Variants in GREB1 observed in about 807,000 individuals in gnomAD.
GREB1 encodes protein GREB1.
GREB1 carries 106 observed loss-of-function variants against 200.7 expected under a neutral mutation model. That is an observed-to-expected ratio of 0.53 (90% CI 0.45 to 0.62). The LOEUF is 0.62. GREB1 is among the 20% of genes least tolerant of loss of function. The pLI, the probability that GREB1 is intolerant of heterozygous loss-of-function variation, is 0.00. For synonymous variants in GREB1, 1,132 were observed against 1,092.4 expected, an observed-to-expected ratio of 1.04 and a Z score of -0.72; for missense variants, 2,243 against 2,556.8, an observed-to-expected ratio of 0.88 and a Z score of 2.65.
rs1427951535 is a variant in GREB1, at chr2:11,542,082, G to A, written c.-162+7828G>A. 3.9e-5 allele frequency among the ~76,000 whole-genome samples: 6 copies of A among 152,018 alleles called. 1 individual carries two copies. Among genetic ancestry groups the A allele is most frequent in the African/African-American group, 4.8e-5 (2 of 41,470 alleles). ...TGCTGACCTGCACTTCCTGTGTCTC[G>A]GTGAGGTTCTTCAGGGCAGGAACTG... On this transcript the variant is annotated intron_variant, in intron 1 of 32. Transcript: ENST00000381486.
At position 11,602,452 on chromosome 2, in the gene GREB1, A is replaced by G; in HGVS notation, c.2576A>G (p.Glu859Gly). ...AATAAGAAGTACTTCGGGCTGTCGGAGTTTATTGAATCCACCCTTTCAGGA... is the reference window on the plus strand; with the variant it reads ...AATAAGAAGTACTTCGGGCTGTCGGGGTTTATTGAATCCACCCTTTCAGGA... ...HENKKYFGLS[E>G]FIESTLSGHS... The change falls in exon 17 of 33, where the codon GAG becomes GGG. Residue 859 changes from glutamate to glycine, a missense_variant. Coordinates refer to ENST00000381486, the MANE Select transcript of GREB1 (RefSeq NM_014668.4). 1 of 1,612,910 alleles carries G rather than the reference A, an allele frequency of 6.2e-7. No individual in the cohort carries two copies.
intron 4 of GREB1, among the ~76,000 whole-genome samples, chr2:11,569,883 CG>C (rs1678084869): frequency 6.6e-6 from 1 of 151,924 alleles, no homozygotes; most frequent in South Asian, 2.1e-4. Context: ...GAGAGCGTGG[CG>C]GGGTGGGGTG....
chr2:11,565,138 T>C (rs550557724), intron 3 of GREB1, among the ~76,000 whole-genome samples: 1 of 152,302 alleles, frequency 6.6e-6, no homozygotes, highest in South Asian at 2.1e-4. Context: ...CAGCTTGGCC[T>C]CCCTTCCTGG....
In GREB1 at chr2:11,598,759, G is replaced by T. The variant is rs769981783; in HGVS notation, c.2232G>T (p.Thr744=). Residue 744 remains threonine (T), a synonymous_variant, in exon 15 of 33, where the codon ACG becomes ACT. Transcript: ENST00000381486. ...RVEQYVLKLD[T]EAQTKFKAFL... Reference sequence around the variant, plus strand: ...AACAGTATGTTCTGAAGCTAGACACGGAGGCACAGACAAAATTTAAGGCTT... The same window carrying T: ...AACAGTATGTTCTGAAGCTAGACACTGAGGCACAGACAAAATTTAAGGCTT... The T allele has an allele frequency of 6.2e-7, 1 of 1,614,102 alleles. No individual in the cohort carries two copies. The highest frequency in any genetic ancestry group is 1.7e-5 in the Admixed American group (1 of 60,026).
At chr2:11,581,226 G>T in intron 7 of GREB1, 1 of 560,216 alleles carries the variant, frequency 1.8e-6, no homozygotes, top group East Asian at 2.9e-5. Flanking sequence ...GTTAGTCAGG[G>T]GACCTTGGCC....
intron 2 of GREB1, among the ~76,000 whole-genome samples, chr2:11,557,549 G>A (rs946792773): frequency 2.0e-5 from 3 of 152,220 alleles, no homozygotes; most frequent in Non-Finnish European, 2.9e-5. Context: ...CTTGCTGTGC[G>A]TGAGTGTGTA....
intron 1 of GREB1, among the ~76,000 whole-genome samples, chr2:11,490,505 G>A (rs972557991): frequency 1.3e-5 from 2 of 152,140 alleles, no homozygotes; most frequent in African/African-American, 4.8e-5. Context: ...TATGAATGAT[G>A]CTTGTAGGAA....
chr2:11,618,200 G>GGGCC, intron 21 of GREB1, 88 bp from the exon 22 acceptor site: 1 of 876,686 alleles, frequency 1.1e-6, no homozygotes, highest in East Asian at 4.9e-5. Context: ...TGGGATGGGT[G>GGGCC]ACTCCTGGGA....
intron 1 of GREB1, among the ~76,000 whole-genome samples, chr2:11,544,940 G>A (rs1405745389): frequency 6.6e-6 from 1 of 151,876 alleles, no homozygotes; most frequent in Non-Finnish European, 1.5e-5. Context: ...TCAGCCTCCC[G>A]AGTAGTGAGG....
rs569308116 is a variant in GREB1, at chr2:11,633,162, G to A, written c.4991+99G>A. 1.2e-4 allele frequency: 140 copies of A among 1,196,032 alleles called. 1 individual carries two copies. In the South Asian group the frequency reaches 1.3e-3, roughly 11 times the overall value. The allele number at this position is 1,196,032 out of a possible 1,614,324, so 74.1% of individuals were successfully genotyped here. On this transcript the variant is annotated intron_variant, in intron 28 of 32. Transcript: ENST00000381486. This position sits in a 1 kb window ranked among gnomAD's most constrained non-coding sequence, Gnocchi z 4.1. ...GGAATGTGCCCACCCCTGGAAGACCGGAGGGCCTCTCATAGTAGAAGGGGT... is the reference window on the plus strand; with the variant it reads ...GGAATGTGCCCACCCCTGGAAGACCAGAGGGCCTCTCATAGTAGAAGGGGT...
intron 3 of GREB1, among the ~76,000 whole-genome samples, chr2:11,566,120 A>G (rs1313446828): frequency 6.6e-6 from 1 of 152,036 alleles, no homozygotes; most frequent in Non-Finnish European, 1.5e-5. Context: ...ACGGGTTCAA[A>G]TGATTCTCCT....
At chr2:11,524,365 CAGAG>C (rs1326702044) in intron 1 of GREB1, among the ~76,000 whole-genome samples, 2 of 152,086 alleles carry the variant, frequency 1.3e-5, no homozygotes, top group African/African-American at 4.8e-5. Flanking sequence ...GGTGACATGA[CAGAG>C]GGAGGTGACA....
chr2:11,600,400 T>C (rs1450320454), intron 15 of GREB1, among the ~76,000 whole-genome samples: 1 of 152,178 alleles, frequency 6.6e-6, no homozygotes, highest in Non-Finnish European at 1.5e-5. Flanking sequence ...AATTTACTCT[T>C]TTACATCTTT....
intron 5 of GREB1, 65 bp from the exon 6 acceptor site, chr2:11,578,232 G>T: frequency 3.2e-6 from 5 of 1,555,116 alleles, no homozygotes; most frequent in Non-Finnish European, 3.5e-6. Context: ...TCCACTCCAG[G>T]AACTCATTTC....
At chr2:11,557,626 T>C (rs1676559896) in intron 2 of GREB1, among the ~76,000 whole-genome samples, 1 of 152,170 alleles carries the variant, frequency 6.6e-6, no homozygotes. Context: ...GAGGTGCTTG[T>C]CTTCAAGGGG....
In GREB1 at chr2:11,633,995, T is replaced by TG; in HGVS notation, c.4992-130dup. 3.8e-6 allele frequency: 3 copies of TG among 789,736 alleles called. No individual in the cohort carries two copies. The highest frequency in any genetic ancestry group is 4.3e-6 in the Non-Finnish European group (2 of 461,454). The allele number at this position is 789,736 out of a possible 1,614,324, so 48.9% of individuals were successfully genotyped here. A position where few individuals can be genotyped will look rare whatever the true frequency, so the allele number is the denominator to read the frequency against. On this transcript the variant is annotated intron_variant, in intron 28 of 32. Transcript: ENST00000381486. The surrounding 1 kb of genome is among the most constrained non-coding windows in gnomAD (Gnocchi z 4.1). Reference sequence around the variant, plus strand: ...AAGCGCCCAGCAGGGTGCCTGGCCCTGGGGGGACTGTGCGGGGCACCGGCC... The same window carrying TG: ...AAGCGCCCAGCAGGGTGCCTGGCCCTGGGGGGGACTGTGCGGGGCACCGGCC...
chr2:11,579,069 G>C (rs1385577307), intron 6 of GREB1, among the ~76,000 whole-genome samples: 1 of 152,228 alleles, frequency 6.6e-6, no homozygotes, highest in African/African-American at 2.4e-5. Flanking sequence ...GCCTTCCCGA[G>C]GACGCAGGAA....
chr2:11,512,972 A>G (rs1673392971), intron 1 of GREB1, among the ~76,000 whole-genome samples: 1 of 152,210 alleles, frequency 6.6e-6, no homozygotes. Context: ...TGGGCTGGAA[A>G]GAAAGAGTTA....
chr2:11,563,969 T>G (rs934621329), intron 3 of GREB1, among the ~76,000 whole-genome samples: 2 of 152,080 alleles, frequency 1.3e-5, no homozygotes, highest in African/African-American at 4.8e-5. Flanking sequence ...TAGAGAGTTT[T>G]GGGAAGGCTT....
Sources: allele counts gnomAD v4.1 joint callset (sites outside exome capture counted in the v4.1 genomes callset), GRCh38; gene constraint gnomAD v4.1.1; non-coding constraint Gnocchi (gnomAD v3.1); transcripts MANE v1.5; gene names NCBI Gene and HGNC (gene_info 2026-07-23, HGNC 2026-07-21).